The following DGKI variants were observed in gnomAD, a reference collection of about 807,000 sequenced individuals.
DGKI encodes the protein DAG kinase iota.
In DGKI, 55 loss-of-function variants were observed where a neutral mutation model predicts 147.5. The ratio of observed to expected loss-of-function variants is 0.37; its 90% CI spans 0.30 to 0.47. The LOEUF (loss-of-function observed/expected upper bound fraction) is 0.47, where lower values mean the gene tolerates loss of function less well. Ranked by LOEUF, DGKI falls within the 20% of genes least tolerant of loss-of-function variation. The pLI, the probability that DGKI is intolerant of heterozygous loss-of-function variation, is 1.00. For missense variants in DGKI, 1,007 were observed against 1,323.8 expected, an observed-to-expected ratio of 0.76 and a Z score of 3.71; for synonymous variants, 469 against 477.1, an observed-to-expected ratio of 0.98 and a Z score of 0.22.
chr7:137,517,279 A>AAAAGAAAGAAAGAAAG (rs3051933), intron 21 of DGKI, among the ~76,000 whole-genome samples: 148 of 79,782 alleles, frequency 1.9e-3, no homozygotes, highest in Middle Eastern at 5.3e-3. Context: ...AAAGAAAAGA[A>AAAAGAAAGAAAGAAAG]AAAGAAAGAA....
At chr7:137,648,360 A>G (rs532045512) in intron 5 of DGKI, among the ~76,000 whole-genome samples, 8 of 152,336 alleles carry the variant, frequency 5.3e-5, no homozygotes, top group South Asian at 4.1e-4. Flanking sequence ...AGCTCTACTC[A>G]AAAGAGTCAG....
intron 8 of DGKI, among the ~76,000 whole-genome samples, chr7:137,613,095 T>C (rs1459399210): frequency 6.6e-6 from 1 of 152,156 alleles, no homozygotes; most frequent in African/African-American, 2.4e-5. Context: ...CACTCAACTG[T>C]GACTGAAACT....
chr7:137,584,734 A>G (rs530527804), intron 14 of DGKI, among the ~76,000 whole-genome samples: 12 of 152,310 alleles, frequency 7.9e-5, no homozygotes, highest in Non-Finnish European at 1.2e-4. Context: ...AAGTCAAAAC[A>G]TTTATTGAGG....
chr7:137,813,082 AAGAAAGTAAAT>A (rs1461427037), intron 1 of DGKI, among the ~76,000 whole-genome samples: 57 of 152,306 alleles, frequency 3.7e-4, no homozygotes, highest in African/African-American at 1.3e-3. Flanking sequence ...CCTCTGTTTA[AAGAAAGTAAAT>A]AGACCAGGAA....
rs777363541 is a variant in DGKI, at chr7:137,645,493, C to A, written c.783G>T (p.Gly261=). 106 of 1,613,650 alleles carry A rather than the reference C, an allele frequency of 6.6e-5. 2 individuals are homozygous for A. Among genetic ancestry groups the A allele is most frequent in the South Asian group, 2.6e-4 (24 of 91,026 alleles). ...TTACCTTACCACACTGCTTACATTT[C>A]CCCTCCTGCCGACGCCTGTGCACCC... ...HHWVHRRRQE[G]KCKQCGKGFQ... is the part of the protein sequence containing the mutation. The change falls in exon 6 of 33, where the codon GGG becomes GGT. Residue 261 remains glycine (G), a synonymous_variant. Transcript: ENST00000614521.
At chr7:137,756,277 G>T (rs988059665) in intron 1 of DGKI, among the ~76,000 whole-genome samples, 1 of 152,110 alleles carries the variant, frequency 6.6e-6, no homozygotes, top group African/African-American at 2.4e-5. Flanking sequence ...GACCTCACAG[G>T]TTCCTTGTTA....
chr7:137,777,478 G>A (rs572523415), intron 1 of DGKI, among the ~76,000 whole-genome samples: 5 of 152,284 alleles, frequency 3.3e-5, no homozygotes, highest in South Asian at 2.1e-4. Flanking sequence ...CAGCAGCGAC[G>A]GCTATGGTCT....
intron 3 of DGKI, among the ~76,000 whole-genome samples, chr7:137,674,179 T>C (rs755776531): frequency 4.0e-4 from 61 of 152,342 alleles, no homozygotes; most frequent in South Asian, 8.3e-4. Flanking sequence ...TGGGAACAAA[T>C]TTAATTCCAT....
chr7:137,748,575 A>G (rs549584567), intron 1 of DGKI, among the ~76,000 whole-genome samples: 16 of 152,310 alleles, frequency 1.1e-4, no homozygotes, highest in African/African-American at 3.8e-4. Context: ...AAAACAGACA[A>G]TGTATCTGCC....
At chr7:137,623,155 G>A (rs1820808834) in intron 7 of DGKI, among the ~76,000 whole-genome samples, 1 of 152,202 alleles carries the variant, frequency 6.6e-6, no homozygotes, top group South Asian at 2.1e-4. Context: ...ACAATACAGA[G>A]GTACTGGAGG....
chr7:137,719,247 G>C (rs1794474092), intron 1 of DGKI, among the ~76,000 whole-genome samples: 1 of 152,076 alleles, frequency 6.6e-6, no homozygotes, highest in African/African-American at 2.4e-5. Context: ...GGCATGTTCT[G>C]CTTCAAGTCC....
In DGKI at chr7:137,846,157, TCTCTCACACACA is replaced by T. The variant is rs1798714163; in HGVS notation, c.401+293_401+304del. Reference sequence around the variant, plus strand: ...CTTTCTCTCTCTCTCTCTCTCTCTCTCTCTCACACACACACACACACACACACACACACACAC... The same window carrying T: ...CTTTCTCTCTCTCTCTCTCTCTCTCTCACACACACACACACACACACACAC... On this transcript the variant is annotated intron_variant, in intron 1 of 32. Coordinates refer to ENST00000614521, the MANE Select transcript of DGKI (RefSeq NM_001321708.2). The surrounding 1 kb of genome is among the most constrained non-coding windows in gnomAD (Gnocchi z 4.0). 7.2e-6 allele frequency among the ~76,000 whole-genome samples: 1 copy of T among 138,610 alleles called. No individual in the cohort carries two copies. Among genetic ancestry groups the T allele is most frequent in the African/African-American group, 2.9e-5 (1 of 33,956 alleles). 90.9% of individuals were successfully genotyped at this position (138,610 alleles called of 152,430 possible). A position where few individuals can be genotyped will look rare whatever the true frequency, so the allele number is the denominator to read the frequency against.
At chr7:137,622,329 G>A (rs1225265546) in intron 7 of DGKI, among the ~76,000 whole-genome samples, 10 of 152,152 alleles carry the variant, frequency 6.6e-5, no homozygotes, top group African/African-American at 1.7e-4. Context: ...CTAGTTTAGC[G>A]TGATGTGTGT....
chr7:137,594,089 C>A (rs1819708113), intron 12 of DGKI, among the ~76,000 whole-genome samples: 1 of 152,216 alleles, frequency 6.6e-6, no homozygotes, highest in Non-Finnish European at 1.5e-5. Context: ...CTGTGTCACC[C>A]AGGCTGGAGT....
intron 20 of DGKI, among the ~76,000 whole-genome samples, chr7:137,539,279 CAG>C (rs1234305994): frequency 6.6e-6 from 1 of 152,130 alleles, no homozygotes; most frequent in Non-Finnish European, 1.5e-5. Flanking sequence ...CAGTATGCAG[CAG>C]AGTGAGGTAA....
intron 23 of DGKI, among the ~76,000 whole-genome samples, chr7:137,484,144 A>G (rs1815469779): frequency 6.6e-6 from 1 of 152,098 alleles, no homozygotes. Flanking sequence ...ACGTTGTTTG[A>G]GAAATAAATA....
At chr7:137,425,956 C>A (rs1273340265) in intron 28 of DGKI, among the ~76,000 whole-genome samples, 2 of 152,150 alleles carry the variant, frequency 1.3e-5, no homozygotes, top group Non-Finnish European at 2.9e-5. Flanking sequence ...GAGAATGGAA[C>A]CAAGTTGGAA....
intron 28 of DGKI, among the ~76,000 whole-genome samples, chr7:137,439,335 G>T (rs1041268005): frequency 6.6e-6 from 1 of 152,106 alleles, no homozygotes; most frequent in Admixed American, 6.5e-5. Context: ...ACTCAAGACT[G>T]CATAATTTAT....
At chr7:137,702,549 G>A (rs6943553) in intron 1 of DGKI, among the ~76,000 whole-genome samples, 2,118 of 152,186 alleles carry the variant, frequency 0.014, 43 homozygotes, top group African/African-American at 0.049. Context: ...ATTTGGTCAC[G>A]AAAAATAACT....
Sources: allele counts gnomAD v4.1 joint callset (sites outside exome capture counted in the v4.1 genomes callset), GRCh38; gene constraint gnomAD v4.1.1; non-coding constraint Gnocchi (gnomAD v3.1); transcripts MANE v1.5; gene names NCBI Gene and HGNC (gene_info 2026-07-23, HGNC 2026-07-21).